The following FBXL17 variants were observed in gnomAD, a reference collection of about 807,000 sequenced individuals.
The protein encoded by FBXL17 is F-box and leucine rich repeat protein 17.
Under a neutral mutation model 66.2 loss-of-function variants are expected in FBXL17, and 22 were observed. The observed-to-expected ratio is 0.33, with a 90% confidence interval of 0.24 to 0.47. FBXL17 has a LOEUF of 0.47. Among genes scored for constraint, FBXL17 ranks in the 20% least tolerant of loss-of-function variants. The pLI is 1.00. For synonymous variants in FBXL17, 474 were observed against 400.5 expected (o/e 1.18, Z -2.19); for missense variants, 878 against 948.2 (o/e 0.93, Z 0.97).
At chr5:107,888,630 T>G (rs966518056) in intron 7 of FBXL17, among the ~76,000 whole-genome samples, 1 of 152,180 alleles carries the variant, frequency 6.6e-6, no homozygotes, top group Non-Finnish European at 1.5e-5. Flanking sequence ...TCTTCTGGGT[T>G]TTTAGCTGCC....
chr5:108,362,640 T>A (rs1748415577), intron 3 of FBXL17, among the ~76,000 whole-genome samples: 1 of 152,118 alleles, frequency 6.6e-6, no homozygotes, highest in Non-Finnish European at 1.5e-5. Flanking sequence ...CCAGCCTGAT[T>A]TTTTTAGGTG....
At chr5:108,081,517 C>T (rs186230258) in intron 6 of FBXL17, among the ~76,000 whole-genome samples, 1 of 152,034 alleles carries the variant, frequency 6.6e-6, no homozygotes, top group African/African-American at 2.4e-5. Flanking sequence ...GTCAGGAAAT[C>T]GAGACCATCC....
chr5:108,033,377 T>C (rs1444177386), intron 6 of FBXL17, among the ~76,000 whole-genome samples: 1 of 152,178 alleles, frequency 6.6e-6, no homozygotes, highest in African/African-American at 2.4e-5. Flanking sequence ...ACTGTGAAAT[T>C]TGTGATGTGG....
chr5:108,147,236 T>G (rs966744806), intron 6 of FBXL17, among the ~76,000 whole-genome samples: 2 of 152,220 alleles, frequency 1.3e-5, no homozygotes, highest in African/African-American at 4.8e-5. Flanking sequence ...ACATCCAGCA[T>G]AAACTCGAAG....
intron 6 of FBXL17, among the ~76,000 whole-genome samples, chr5:108,152,724 T>C (rs936901063): frequency 9.9e-5 from 15 of 152,196 alleles, no homozygotes; most frequent in African/African-American, 3.4e-4. Context: ...TATCCTTCTG[T>C]TGAGAGGCAT....
Position 108,137,621 on chromosome 5 carries a change from T to C in FBXL17, c.1745+48496A>G, listed in dbSNP as rs1403718840. ...AGCTTATCAGTGTCCAGCAATTACC[T>C]GCTTCAGAAAATGTACTGTACTTGT... On this transcript the variant is annotated intron_variant, in intron 6 of 8. Coordinates refer to ENST00000542267, the MANE Select transcript of FBXL17 (RefSeq NM_001163315.3). Among the ~76,000 whole-genome samples the C allele has an allele frequency of 2.6e-5, 4 of 152,310 alleles. No individual in the cohort carries two copies. The East Asian group carries it at 7.7e-4, about 29-fold the overall frequency.
intron 7 of FBXL17, among the ~76,000 whole-genome samples, chr5:107,976,173 G>C (rs750227454): frequency 1.3e-5 from 2 of 152,092 alleles, no homozygotes; most frequent in Non-Finnish European, 2.9e-5. Flanking sequence ...TCTGTCTTAT[G>C]TCTACTGGTT....
At chr5:108,004,396 A>T (rs1484548212) in intron 7 of FBXL17, among the ~76,000 whole-genome samples, 1 of 152,246 alleles carries the variant, frequency 6.6e-6, no homozygotes, top group Non-Finnish European at 1.5e-5. Flanking sequence ...CTTATGCAAG[A>T]AATTAATAAA....
chr5:108,375,741 G>C (rs1395731418), intron 1 of FBXL17, among the ~76,000 whole-genome samples: 5 of 152,152 alleles, frequency 3.3e-5, no homozygotes, highest in Admixed American at 2.0e-4. Context: ...TTCCAAAAAT[G>C]AGAGGATGGG....
chr5:108,120,583 C>T (rs116731924), intron 6 of FBXL17, among the ~76,000 whole-genome samples: 3,050 of 152,180 alleles, frequency 0.02, 109 homozygotes, highest in African/African-American at 0.07. Flanking sequence ...ATAATCTCAG[C>T]GCTTTGGGAG....
chr5:108,316,379 A>G (rs1431078591), intron 4 of FBXL17, among the ~76,000 whole-genome samples: 1 of 151,504 alleles, frequency 6.6e-6, no homozygotes, highest in African/African-American at 2.4e-5. Context: ...TCCTACAACT[A>G]TAAATTACTT....
chr5:107,884,205 C>T (rs1321799691), intron 7 of FBXL17, among the ~76,000 whole-genome samples: 1 of 152,158 alleles, frequency 6.6e-6, no homozygotes, highest in Non-Finnish European at 1.5e-5. Flanking sequence ...GTGACAAGTG[C>T]TCTGAAGGAA....
At chr5:108,130,800 G>A (rs1236317112) in intron 6 of FBXL17, among the ~76,000 whole-genome samples, 2 of 152,022 alleles carry the variant, frequency 1.3e-5, no homozygotes, top group Admixed American at 6.6e-5. Context: ...GCTGAGATTA[G>A]GATAGCTCTT....
At chr5:108,305,290 T>C (rs551690604) in intron 4 of FBXL17, among the ~76,000 whole-genome samples, 88 of 151,562 alleles carry the variant, frequency 5.8e-4, no homozygotes, top group Middle Eastern at 3.4e-3. Context: ...CACAGACACA[T>C]TGGGGGGATC....
At chr5:108,250,515 C>T (rs1448505625) in intron 4 of FBXL17, among the ~76,000 whole-genome samples, 1 of 151,998 alleles carries the variant, frequency 6.6e-6, no homozygotes, top group Admixed American at 6.6e-5. Flanking sequence ...TATATAATCA[C>T]TTGCTGGTTT....
intron 7 of FBXL17, among the ~76,000 whole-genome samples, chr5:108,013,169 A>C (rs1754250202): frequency 6.6e-6 from 1 of 152,140 alleles, no homozygotes; most frequent in Admixed American, 6.5e-5. Flanking sequence ...TTTCTAATTT[A>C]ACTGGATACT....
chr5:108,052,425 T>A (rs557810054), intron 6 of FBXL17, among the ~76,000 whole-genome samples: 8 of 152,028 alleles, frequency 5.3e-5, no homozygotes, highest in Admixed American at 4.6e-4. Context: ...GACAGTCAAA[T>A]CACGAATGAA....
intron 4 of FBXL17, among the ~76,000 whole-genome samples, chr5:108,338,478 T>A (rs1314752495): frequency 1.3e-5 from 2 of 152,106 alleles, no homozygotes; most frequent in Non-Finnish European, 2.9e-5. Flanking sequence ...CCAATAAAGA[T>A]CTGGTAACAG....
rs1387419925 is a variant in FBXL17 at position 108,109,275 on chromosome 5, C to T, written c.1745+76842G>A. ...AGGAAGGTCACTCTCACCTTCCCCACATCCTTTTTCTGACCTTCCCCTGAA... is the reference window on the plus strand; with the variant it reads ...AGGAAGGTCACTCTCACCTTCCCCATATCCTTTTTCTGACCTTCCCCTGAA... On this transcript the variant is annotated intron_variant, in intron 6 of 8. Coordinates refer to ENST00000542267, the MANE Select transcript of FBXL17 (RefSeq NM_001163315.3). Among the ~76,000 whole-genome samples, 4 of 152,166 alleles carry T rather than the reference C, an allele frequency of 2.6e-5. No homozygotes were observed. The East Asian group carries it at 5.8e-4, about 22-fold the overall frequency.
Sources: allele counts gnomAD v4.1 joint callset (sites outside exome capture counted in the v4.1 genomes callset), GRCh38; gene constraint gnomAD v4.1.1; transcripts MANE v1.5; gene names NCBI Gene and HGNC (gene_info 2026-07-23, HGNC 2026-07-21).